The following ABLIM3 variants were observed in gnomAD, a reference collection of about 807,000 sequenced individuals.
ABLIM3 encodes the protein actin-binding LIM protein 3.
ABLIM3 carries 61 observed loss-of-function variants against 109.5 expected under a neutral mutation model. The ratio of observed to expected loss-of-function variants is 0.56; its 90% confidence interval spans 0.45 to 0.69. ABLIM3 has a LOEUF of 0.69. Among genes scored for constraint, ABLIM3 ranks in the 30% least tolerant of loss-of-function variants. The pLI, the probability that ABLIM3 is intolerant of heterozygous loss-of-function variation, is 0.00. For missense variants in ABLIM3, 796 were observed against 889.5 expected, an observed-to-expected ratio of 0.89 and a Z score of 1.34; for synonymous variants, 300 against 324.8, an observed-to-expected ratio of 0.92 and a Z score of 0.82.
At chr5:149,160,349 C>T (rs538033065) in intron 2 of ABLIM3, among the ~76,000 whole-genome samples, 12 of 151,926 alleles carry the variant, frequency 7.9e-5, no homozygotes, top group African/African-American at 2.9e-4. Flanking sequence ...ATCACAGCTA[C>T]TCAAGAGGCT....
chr5:149,254,444 G>A lies in ABLIM3; in HGVS notation c.1938+1607G>A, dbSNP rs1050754248. ...GTCTGCCCTCTACCACAGGGTCTGG[G>A]CTGGGAGAGGTGTCAGAAAACGTTT... is the stretch of plus-strand genomic sequence containing the variant. On this transcript the variant is annotated intron_variant, in intron 23 of 23. Coordinates refer to ENST00000309868, the MANE Select transcript of ABLIM3 (RefSeq NM_014945.5). Among the ~76,000 whole-genome samples the A allele has an allele frequency of 4.6e-5, 7 of 152,194 alleles. No homozygotes were observed. In the East Asian group the frequency reaches 1.4e-3, roughly 29 times the overall value.
chr5:149,170,510 C>A lies in ABLIM3; in HGVS notation c.14-12942C>A, dbSNP rs577393909. On this transcript the variant is annotated intron_variant, in intron 2 of 23. Transcript: ENST00000309868. ...ACCTCATACTGGGACAGGCCCCACCCAAACCCCATGGAGTGGTTTCCCTAC... is the reference window on the plus strand; with the variant it reads ...ACCTCATACTGGGACAGGCCCCACCAAAACCCCATGGAGTGGTTTCCCTAC... Among the ~76,000 whole-genome samples, 3 of 152,270 alleles carry A rather than the reference C, an allele frequency of 2.0e-5. No homozygotes were observed. The South Asian group carries it at 6.2e-4, about 32-fold the overall frequency.
chr5:149,192,397 A>G (rs1222756155), intron 3 of ABLIM3, among the ~76,000 whole-genome samples: 1 of 152,134 alleles, frequency 6.6e-6, no homozygotes, highest in Non-Finnish European at 1.5e-5. Context: ...AATATGGGCA[A>G]AGAATCAAAA....
At chr5:149,246,417 A>G in intron 16 of ABLIM3, 65 bp from the exon 17 acceptor site, 1 of 1,501,322 alleles carries the variant, frequency 6.7e-7, no homozygotes. Flanking sequence ...TTTAAAAAAA[A>G]AATGCCTTAA....
Position 149,251,425 on chromosome 5 carries a change from T to C in ABLIM3, c.1849+6T>C, listed in dbSNP as rs758745358. On this transcript the variant is annotated splice_donor_region_variant and intron_variant, in intron 21 of 23. Transcript: ENST00000309868. ...AGTCAACTGGGGCATGCGAGGTGAGTGCAGGCCTGCAGGGGGTCTGCAGGG... is the reference window on the plus strand; with the variant it reads ...AGTCAACTGGGGCATGCGAGGTGAGCGCAGGCCTGCAGGGGGTCTGCAGGG... 3.7e-6 allele frequency: 6 copies of C among 1,613,702 alleles called. No homozygotes were observed. In the East Asian group the frequency reaches 8.9e-5, roughly 24 times the overall value.
intron 22 of ABLIM3, 100 bp from the exon 23 acceptor site, chr5:149,252,647 AATTTCTGGCC>A: frequency 1.2e-6 from 1 of 829,118 alleles, no homozygotes; most frequent in Non-Finnish European, 2.0e-6. Flanking sequence ...CTCCAGACTT[AATTTCTGGCC>A]ATTTCTGGAT....
At chr5:149,188,304 T>G (rs1291836177) in intron 3 of ABLIM3, among the ~76,000 whole-genome samples, 1 of 152,224 alleles carries the variant, frequency 6.6e-6, no homozygotes, top group East Asian at 1.9e-4. Context: ...CTAATAAGTT[T>G]ATCAAGGTTT....
chr5:149,162,702 T>G (rs1207754033), intron 2 of ABLIM3, among the ~76,000 whole-genome samples: 1 of 152,152 alleles, frequency 6.6e-6, no homozygotes, highest in Non-Finnish European at 1.5e-5. Flanking sequence ...GGGAAGAACA[T>G]CCTGTGTGCC....
intron 15 of ABLIM3, among the ~76,000 whole-genome samples, chr5:149,242,819 T>C (rs938895107): frequency 2.0e-5 from 3 of 152,236 alleles, no homozygotes; most frequent in Non-Finnish European, 2.9e-5. Flanking sequence ...GGTAAAACCT[T>C]TGTAAAACGC....
intron 7 of ABLIM3, 83 bp from the exon 8 acceptor site, chr5:149,216,876 C>T: frequency 8.1e-7 from 1 of 1,233,848 alleles, no homozygotes; most frequent in Non-Finnish European, 1.2e-6. Flanking sequence ...CACTAATGTA[C>T]CCAGGAAAGA....
At chr5:149,225,306 A>G (rs1050790277) in intron 8 of ABLIM3, among the ~76,000 whole-genome samples, 14 of 152,114 alleles carry the variant, frequency 9.2e-5, no homozygotes, top group African/African-American at 3.4e-4. Flanking sequence ...TTAAGCAGTC[A>G]TTTCCCATTC....
intron 1 of ABLIM3, 170 bp from the exon 2 acceptor site, chr5:149,141,839 G>A: frequency 1.8e-6 from 1 of 559,348 alleles, no homozygotes; most frequent in Non-Finnish European, 3.2e-6. Flanking sequence ...GGAGCAGGAG[G>A]ACCGGGGCGC....
At chr5:149,254,514 T>G (rs1754256272) in intron 23 of ABLIM3, among the ~76,000 whole-genome samples, 1 of 152,116 alleles carries the variant, frequency 6.6e-6, no homozygotes, top group Non-Finnish European at 1.5e-5. Context: ...TCAGCACCCC[T>G]CAGGAAAAGC....
intron 2 of ABLIM3, among the ~76,000 whole-genome samples, chr5:149,158,733 G>A (rs1190304658): frequency 6.6e-6 from 1 of 152,096 alleles, no homozygotes; most frequent in Non-Finnish European, 1.5e-5. Flanking sequence ...AAATGTAGGA[G>A]AATATCTTAC....
intron 2 of ABLIM3, among the ~76,000 whole-genome samples, chr5:149,160,659 T>C (rs905111214): frequency 5.3e-5 from 8 of 152,134 alleles, no homozygotes; most frequent in South Asian, 4.2e-4. Context: ...CACTGTAGTG[T>C]GCTCACTCAG....
chr5:149,195,357 T>C (rs1367339444), intron 3 of ABLIM3, among the ~76,000 whole-genome samples: 2 of 152,240 alleles, frequency 1.3e-5, no homozygotes, highest in Admixed American at 6.5e-5. Context: ...CAAAGCAGTT[T>C]TAACGTTCAA....
rs1755713887 is a variant in ABLIM3 at position 149,174,108 on chromosome 5, T to C, written c.14-9344T>C. Among the ~76,000 whole-genome samples, 3 of 151,066 alleles carry C rather than the reference T, an allele frequency of 2.0e-5. No homozygotes were observed. The South Asian group carries it at 6.3e-4, about 32-fold the overall frequency. On this transcript the variant is annotated intron_variant, in intron 2 of 23. Transcript: ENST00000309868. ...CAAACACCGGGCCATCCAAATAAAG[T>C]GTGTCTGGGAGCCACATCCAATGCA...
intron 18 of ABLIM3, among the ~76,000 whole-genome samples, chr5:149,249,356 G>A (rs760532131): frequency 6.6e-6 from 1 of 152,212 alleles, no homozygotes; most frequent in African/African-American, 2.4e-5. Context: ...TACAAAGGAG[G>A]CACTATCACT....
Position 149,200,305 on chromosome 5 carries a change from C to T in ABLIM3, c.336-11C>T, listed in dbSNP as rs776400534. On this transcript the variant is annotated splice_polypyrimidine_tract_variant and intron_variant, in intron 4 of 23. Transcript: ENST00000309868. ...AGGGTGTGTTGAATTTCTCCCTCAT[C>T]CCACTTGCAGGAAGCCTTTCCCCAT... The T allele has an allele frequency of 5.6e-6, 9 of 1,612,852 alleles. No individual in the cohort carries two copies. The highest frequency in any genetic ancestry group is 1.7e-5 in the Admixed American group (1 of 60,016).
Sources: gnomAD v4.1 joint callset for allele counts (sites outside exome capture counted in the v4.1 genomes callset) on GRCh38, gnomAD v4.1.1 for gene constraint, MANE v1.5 for transcripts, NCBI Gene and HGNC (gene_info 2026-07-23, HGNC 2026-07-21) for gene names.